TRAPPC12: variants seen among roughly 807,000 people sequenced by gnomAD.
The protein encoded by TRAPPC12 is TPR repeat protein 15.
In TRAPPC12, 61 loss-of-function variants were observed where a neutral mutation model predicts 69.2. That is an observed-to-expected ratio of 0.88 (90% CI 0.72 to 1.09). The LOEUF (loss-of-function observed/expected upper bound fraction) is 1.09. Ranked by LOEUF, TRAPPC12 falls within the 50% of genes least tolerant of loss-of-function variation. The probability of loss-of-function intolerance (pLI) is 0.00; values close to 1 mark genes in which losing one functional copy is unlikely to be tolerated. For missense variants in TRAPPC12, 1,101 were observed against 1,016.4 expected (o/e 1.08, Z -1.13); for synonymous variants, 469 against 438.9 (o/e 1.07, Z -0.86).
chr2:3,479,143 C>A, intron 11 of TRAPPC12, 76 bp from the exon 12 acceptor site: 1 of 1,569,428 alleles, frequency 6.4e-7, no homozygotes, highest in Non-Finnish European at 8.6e-7. Context: ...CCTAACACGG[C>A]CCAGCACGCA....
chr2:3,472,340 G>A (rs1666100934), intron 9 of TRAPPC12: 1 of 152,294 alleles, frequency 6.6e-6, no homozygotes, highest in African/African-American at 2.4e-5. Flanking sequence ...GACGAGGAGG[G>A]TGGTTTTACG....
intron 3 of TRAPPC12, among the ~76,000 whole-genome samples, chr2:3,416,975 G>A (rs934319353): frequency 6.6e-6 from 1 of 150,714 alleles, no homozygotes; most frequent in Non-Finnish European, 1.5e-5. Context: ...CAGATGCTCT[G>A]TGGTACCTGC....
chr2:3,394,773 C>T (rs1214171964), intron 2 of TRAPPC12, among the ~76,000 whole-genome samples: 3 of 152,094 alleles, frequency 2.0e-5, no homozygotes, highest in Non-Finnish European at 4.4e-5. Context: ...CCCACTGCTG[C>T]GTATGTAAGA....
At chr2:3,392,526 A>C (rs554016003) in intron 2 of TRAPPC12, among the ~76,000 whole-genome samples, 1 of 152,310 alleles carries the variant, frequency 6.6e-6, no homozygotes, top group East Asian at 1.9e-4. Flanking sequence ...TCTTTGTCTT[A>C]TGTTGTATTT....
chr2:3,400,469 C>T (rs909874215), intron 2 of TRAPPC12, among the ~76,000 whole-genome samples: 1 of 152,140 alleles, frequency 6.6e-6, no homozygotes, highest in African/African-American at 2.4e-5. Context: ...ATCCCCCCAG[C>T]TGCCCCTGCC....
intron 3 of TRAPPC12, among the ~76,000 whole-genome samples, chr2:3,403,618 C>T (rs535870326): frequency 4.0e-4 from 61 of 152,288 alleles, no homozygotes; most frequent in African/African-American, 1.4e-3. Context: ...AACTTTGCAG[C>T]CCATTGAAAT....
chr2:3,451,245 ACCTTGTTAG>A (rs1455320890), intron 6 of TRAPPC12, among the ~76,000 whole-genome samples: 1 of 152,110 alleles, frequency 6.6e-6, no homozygotes, highest in African/African-American at 2.4e-5. Context: ...ATGGTTCCCC[ACCTTGTTAG>A]CCTGAAGCCT....
At chr2:3,419,254 A>T (rs1662632835) in intron 3 of TRAPPC12, among the ~76,000 whole-genome samples, 1 of 152,164 alleles carries the variant, frequency 6.6e-6, no homozygotes, top group Non-Finnish European at 1.5e-5. Context: ...CTGGATACAG[A>T]ATCTGCCTAG....
At chr2:3,452,051 G>A (rs1664879249) in intron 6 of TRAPPC12, among the ~76,000 whole-genome samples, 1 of 152,186 alleles carries the variant, frequency 6.6e-6, no homozygotes, top group Non-Finnish European at 1.5e-5. Flanking sequence ...GTCCAGCACA[G>A]CTTCTGGGTC....
At chr2:3,460,644 A>C in intron 8 of TRAPPC12, 1 of 340,158 alleles carries the variant, frequency 2.9e-6, no homozygotes, top group Non-Finnish European at 5.3e-6. Flanking sequence ...CCATCCCCAG[A>C]AGGTGTCCTT....
At chr2:3,467,817 T>TG (rs1212420833) in intron 9 of TRAPPC12, 5 of 152,366 alleles carry the variant, frequency 3.3e-5, no homozygotes, top group Non-Finnish European at 7.3e-5. Flanking sequence ...TCTCCTGTGT[T>TG]GGGACCTCTC....
At chr2:3,464,867 C>T (rs933548618) in intron 8 of TRAPPC12, among the ~76,000 whole-genome samples, 7 of 152,266 alleles carry the variant, frequency 4.6e-5, no homozygotes, top group South Asian at 2.1e-4. Flanking sequence ...GCTGCCAGGC[C>T]TTGCCCTTGA....
At chr2:3,389,442 G>A (rs1466295651) in intron 2 of TRAPPC12, among the ~76,000 whole-genome samples, 3 of 152,260 alleles carry the variant, frequency 2.0e-5, no homozygotes, top group African/African-American at 7.2e-5. Flanking sequence ...AGCTGGACCA[G>A]GCGTGTGGCA....
chr2:3,382,609 TA>T (rs1284223726), intron 1 of TRAPPC12, among the ~76,000 whole-genome samples: 1 of 152,170 alleles, frequency 6.6e-6, no homozygotes, highest in African/African-American at 2.4e-5. Context: ...AAGACTCCTT[TA>T]AGAGTGAAAG....
At chr2:3,448,144 T>A (rs1194680993) in intron 6 of TRAPPC12, among the ~76,000 whole-genome samples, 1 of 152,216 alleles carries the variant, frequency 6.6e-6, no homozygotes. Flanking sequence ...AGTGATTTTA[T>A]TATCCTCGGT....
At chr2:3,384,820 C>T (rs2103421033) in intron 1 of TRAPPC12, among the ~76,000 whole-genome samples, 1 of 152,250 alleles carries the variant, frequency 6.6e-6, no homozygotes, top group East Asian at 1.9e-4. Flanking sequence ...AATTTTTGTA[C>T]TGTAGGAATT....
At chr2:3,464,639 C>T (rs548519706) in intron 8 of TRAPPC12, among the ~76,000 whole-genome samples, 2 of 152,380 alleles carry the variant, frequency 1.3e-5, no homozygotes, top group South Asian at 4.1e-4. Context: ...CCGCACACAG[C>T]TCGCTCAATA....
chr2:3,380,824 C>A (rs1229703561), intron 1 of TRAPPC12, among the ~76,000 whole-genome samples: 1 of 152,244 alleles, frequency 6.6e-6, no homozygotes, highest in East Asian at 1.9e-4. Context: ...TGCAGCTCTT[C>A]ACACTTTAAA....
rs1664183448 is a variant in TRAPPC12 at position 3,441,239 on chromosome 2, T to TCTGAAAGAG, written c.1418-2539_1418-2531dup. 1.3e-5 allele frequency among the ~76,000 whole-genome samples: 2 copies of TCTGAAAGAG among 152,216 alleles called. 1 individual carries two copies. Among genetic ancestry groups the TCTGAAAGAG allele is most frequent in the South Asian group, 4.1e-4 (2 of 4,826 alleles). ...AGAAAGCGTTCCTCTGCTTCTGTTT[T>TCTGAAAGAG]CTGAAAGAGATTGTAGAGAACTGGT... On this transcript the variant is annotated intron_variant, in intron 5 of 11. Coordinates refer to ENST00000324266, the MANE Select transcript of TRAPPC12 (RefSeq NM_016030.6).
Sources: allele counts gnomAD v4.1 joint callset (sites outside exome capture counted in the v4.1 genomes callset), GRCh38; gene constraint gnomAD v4.1.1; transcripts MANE v1.5; gene names NCBI Gene and HGNC (gene_info 2026-07-23, HGNC 2026-07-21).